The following MEA1 variants were observed in gnomAD, a reference collection of about 807,000 sequenced individuals.
MEA1 encodes male-enhanced antigen 1, also known as Male-enhanced antigen (H-Y structural gene).
MEA1 carries 22 observed loss-of-function variants against 21.4 expected under a neutral mutation model. The ratio of observed to expected loss-of-function variants is 1.03; its 90% CI spans 0.73 to 1.47. The LOEUF is 1.47. Ranked by LOEUF, MEA1 falls within the 40% of genes most tolerant of loss-of-function variation. The probability of loss-of-function intolerance (pLI) is 0.00; values close to 1 mark genes in which losing one functional copy is unlikely to be tolerated. For synonymous variants in MEA1, 91 were observed against 85.5 expected (o/e 1.06, Z -0.35); for missense variants, 233 against 230.5 (o/e 1.01, Z -0.07).
rs1762407442 is a variant in MEA1 at position 43,012,608 on chromosome 6, C to T, written c.420G>A (p.Leu140=). 6.2e-7 allele frequency: 1 copy of T among 1,607,174 alleles called. No individual in the cohort carries two copies. ...TTACTCCAGCCATTGTCCTTTTCAC[C>T]AGCTCTACATGTTCTGAAATCAGAG... ...SIPMDPEHVE[L]VKRTMAGVSL... is the part of the protein sequence containing the mutation. The change falls in exon 4 of 4, where the codon CTG becomes CTA. Residue 140 remains leucine, a synonymous_variant. Transcript: ENST00000244711.
upstream of MEA1, among the ~76,000 whole-genome samples, chr6:43,015,753 G>A (rs1762554541): frequency 6.6e-6 from 1 of 151,400 alleles, no homozygotes; most frequent in Non-Finnish European, 1.5e-5. Flanking sequence ...GGGAGGCTGA[G>A]GCAGGAGAAT....
intron 3 of MEA1, 124 bp downstream of exon 3, chr6:43,012,802 C>T (rs1376050574): frequency 1.6e-6 from 2 of 1,262,178 alleles, no homozygotes; most frequent in Admixed American, 1.9e-5. Flanking sequence ...ACTCTGAAGT[C>T]TACAAAATCT....
Position 43,011,682 on chromosome 6 carries a change from G to A in MEA1, c.*788C>T, listed in dbSNP as rs544216650. 105 of 217,818 alleles carry A rather than the reference G, an allele frequency of 4.8e-4. No individual in the cohort carries two copies. The highest frequency in any genetic ancestry group is 8.1e-4 in the Non-Finnish European group (87 of 108,020). 13.5% of individuals were successfully genotyped at this position (217,818 alleles called of 1,614,324 possible). A position where few individuals can be genotyped will look rare whatever the true frequency, so the allele number is the denominator to read the frequency against. On this transcript the variant is annotated 3_prime_UTR_variant, in exon 4 of 4. Transcript: ENST00000244711. ...TCCCCTCCTCTCTCTCCCCTGCAGAGGCATGTAGGGAACAGCAGGAGATTA... is the reference window on the plus strand; with the variant it reads ...TCCCCTCCTCTCTCTCCCCTGCAGAAGCATGTAGGGAACAGCAGGAGATTA...
intron 3 of MEA1, 91 bp from the exon 4 acceptor site, chr6:43,012,712 G>T: frequency 6.9e-7 from 1 of 1,441,968 alleles, no homozygotes; most frequent in African/African-American, 1.4e-5. Context: ...CCCTTGGGCT[G>T]CTAGGGTCAC....
In MEA1 at chr6:43,013,334, AC is replaced by A. The variant is rs766944758; in HGVS notation, c.83del (p.Arg28LeufsTer46). On this transcript the variant is annotated frameshift_variant, in exon 2 of 4. Transcript: ENST00000244711. LOFTEE classifies it high-confidence loss of function. ...VLGGDTMGPE[R>X]IFPNQTEELG... ...GTTCCTCAGTCTGATTGGGGAAGATACGCTCAGGGCCCATGGTGTCTCCTCC... is the reference window on the plus strand; with the variant it reads ...GTTCCTCAGTCTGATTGGGGAAGATAGCTCAGGGCCCATGGTGTCTCCTCC... 1 of 1,614,092 alleles carries A rather than the reference AC, an allele frequency of 6.2e-7. No homozygotes were observed. Among genetic ancestry groups the A allele is most frequent in the Non-Finnish European group, 8.5e-7 (1 of 1,180,016 alleles).
At position 43,013,344 on chromosome 6, in the gene MEA1, C is replaced by T. The variant is rs147653653; in HGVS notation, c.74G>A (p.Gly25Asp). Residue 25 changes from glycine (G) to aspartate (D), a missense_variant, in exon 2 of 4, where the codon GGC becomes GAC. Transcript: ENST00000244711. ...ATVVLGGDTMGPERIFPNQTE... is the reference protein window; with the variant it reads ...ATVVLGGDTMDPERIFPNQTE... Reference sequence around the variant, plus strand: ...CTGATTGGGGAAGATACGCTCAGGGCCCATGGTGTCTCCTCCTAGAACTAC... The same window carrying T: ...CTGATTGGGGAAGATACGCTCAGGGTCCATGGTGTCTCCTCCTAGAACTAC... The T allele has an allele frequency of 1.2e-6, 2 of 1,614,082 alleles. No homozygotes were observed. Among genetic ancestry groups the T allele is most frequent in the Non-Finnish European group, 1.7e-6 (2 of 1,180,026 alleles).
In MEA1 at chr6:43,013,326, G is replaced by C. The variant is rs756150560; in HGVS notation, c.92C>G (p.Pro31Arg). The C allele has an allele frequency of 3.1e-6, 5 of 1,614,092 alleles. No individual in the cohort carries two copies. The South Asian group carries it at 5.5e-5, about 18-fold the overall frequency. Residue 31 changes from proline (P) to arginine (R), a missense_variant, in exon 2 of 4, where the codon CCC becomes CGC. Pro to Arg is a moderately radical substitution (Grantham distance 103, BLOSUM62 -2). Coordinates refer to ENST00000244711, the MANE Select transcript of MEA1 (RefSeq NM_014623.4). ...GDTMGPERIF[P>R]NQTEELGHQG... is the part of the protein sequence containing the mutation. The stretch of plus-strand genomic sequence containing the variant: ...ATGTCCCAGTTCCTCAGTCTGATTG[G>C]GGAAGATACGCTCAGGGCCCATGGT...
Position 43,012,316 on chromosome 6 carries a change from G to A in MEA1, c.*154C>T. 1 of 1,461,640 alleles carries A rather than the reference G, an allele frequency of 6.8e-7. No individual in the cohort carries two copies. The highest frequency in any genetic ancestry group is 9.0e-7 in the Non-Finnish European group (1 of 1,108,314). The allele number at this position is 1,461,640 out of a possible 1,614,324, so 90.5% of individuals were successfully genotyped here. ...TTGGACCGATGTCCCCATATGTACA[G>A]AACTGAATAAAGTGGGTCTCTGAGA... On this transcript the variant is annotated 3_prime_UTR_variant, in exon 4 of 4. Coordinates refer to ENST00000244711, the MANE Select transcript of MEA1 (RefSeq NM_014623.4).
In MEA1 at chr6:43,013,350, G is replaced by C. The variant is rs752518644; in HGVS notation, c.68C>G (p.Thr23Ser). The change falls in exon 2 of 4, where the codon ACC becomes AGC. Residue 23 changes from threonine (T) to serine (S), a missense_variant. Physicochemically the swap from Thr to Ser is moderately conservative, Grantham distance 58. Coordinates refer to ENST00000244711, the MANE Select transcript of MEA1 (RefSeq NM_014623.4). ...GGGGAAGATACGCTCAGGGCCCATGGTGTCTCCTCCTAGAACTACTGTTGC... is the reference window on the plus strand; with the variant it reads ...GGGGAAGATACGCTCAGGGCCCATGCTGTCTCCTCCTAGAACTACTGTTGC... ...RMATVVLGGD[T>S]MGPERIFPNQ... 1 of 1,613,914 alleles carries C rather than the reference G, an allele frequency of 6.2e-7. No individual in the cohort carries two copies. Among genetic ancestry groups the C allele is most frequent in the East Asian group, 2.2e-5 (1 of 44,892 alleles).
At chr6:43,014,966 C>T (rs999767833), upstream of MEA1, among the ~76,000 whole-genome samples, 2 of 152,146 alleles carry the variant, frequency 1.3e-5, no homozygotes, top group South Asian at 2.1e-4. Flanking sequence ...AGCCCCTGAG[C>T]GCCTGGGGGC....
intron 1 of MEA1, 177 bp downstream of exon 1, chr6:43,013,609 T>C (rs1228611476): frequency 2.4e-6 from 2 of 821,410 alleles, no homozygotes; most frequent in Non-Finnish European, 3.9e-6. Flanking sequence ...CTCCGCCACT[T>C]CCTAGTTAAA....
upstream of MEA1, chr6:43,014,437 A>G (rs1581872880): frequency 2.4e-5 from 8 of 334,504 alleles, no homozygotes; most frequent in African/African-American, 4.9e-5. Context: ...GGGGCCTGAG[A>G]GTGATGAGGT....
At chr6:43,012,877 C>T (rs1762419979) in intron 3 of MEA1, 49 bp downstream of exon 3, 1 of 1,531,698 alleles carries the variant, frequency 6.5e-7, no homozygotes, top group Non-Finnish European at 9.1e-7. Flanking sequence ...TGACTCATGC[C>T]AGTTCATTTC....
upstream of MEA1, among the ~76,000 whole-genome samples, chr6:43,015,158 T>A (rs1230189681): frequency 6.6e-6 from 1 of 152,138 alleles, no homozygotes; most frequent in African/African-American, 2.4e-5. Flanking sequence ...CCCATCGACC[T>A]CCTAACAGTC....
rs1762372127 is a variant in MEA1, at chr6:43,011,971, T to G, written c.*499A>C. ...AACACCCTACCCCGTGCCCTGTCTT[T>G]GGTGAGCAGCAGCCCTGGGGTCACA... On this transcript the variant is annotated 3_prime_UTR_variant, in exon 4 of 4. Coordinates refer to ENST00000244711, the MANE Select transcript of MEA1 (RefSeq NM_014623.4). 6.3e-6 allele frequency: 1 copy of G among 157,542 alleles called. No homozygotes were observed. The highest frequency in any genetic ancestry group is 1.4e-5 in the Non-Finnish European group (1 of 72,242). The allele number at this position is 157,542 out of a possible 1,614,324, so 9.8% of individuals were successfully genotyped here. A position where few individuals can be genotyped will look rare whatever the true frequency, so the allele number is the denominator to read the frequency against.
intron 2 of MEA1, 39 bp from the exon 3 acceptor site, chr6:43,013,067 A>C: frequency 6.2e-7 from 1 of 1,614,100 alleles, no homozygotes; most frequent in Non-Finnish European, 8.5e-7. Flanking sequence ...CTAGGCTTTC[A>C]GGGAGCCCAG....
intron 1 of MEA1, 77 bp from the exon 2 acceptor site, chr6:43,013,466 A>C: frequency 3.3e-6 from 5 of 1,500,202 alleles, no homozygotes; most frequent in Non-Finnish European, 4.5e-6. Flanking sequence ...ATCTCCTTGT[A>C]GTCTCCTGCG....
chr6:43,013,850 C>CA lies in MEA1; in HGVS notation c.-38dup. 2.6e-6 allele frequency: 4 copies of CA among 1,545,996 alleles called. No homozygotes were observed. Among genetic ancestry groups the CA allele is most frequent in the Non-Finnish European group, 3.5e-6 (4 of 1,148,692 alleles). ...AAATGGCCCCAGCTGCAGCGTCCCCCACCCGCCCCCATCCGAATCCCGGCG... is the reference window on the plus strand; with the variant it reads ...AAATGGCCCCAGCTGCAGCGTCCCCCAACCCGCCCCCATCCGAATCCCGGCG... On this transcript the variant is annotated 5_prime_UTR_variant, in exon 1 of 4. Transcript: ENST00000244711.
At position 43,011,214 on chromosome 6, in the gene MEA1, G is replaced by A; in HGVS notation, c.*1256C>T. The A allele has an allele frequency of 6.2e-7, 1 of 1,614,144 alleles. No homozygotes were observed. Among genetic ancestry groups the A allele is most frequent in the Non-Finnish European group, 8.5e-7 (1 of 1,180,020 alleles). On this transcript the variant is annotated 3_prime_UTR_variant, in exon 4 of 4. Coordinates refer to ENST00000244711, the MANE Select transcript of MEA1 (RefSeq NM_014623.4). ...GGAAGTCGGAGCTGCCCCAGGACGT[G>A]TACACCATCAAGGCACTGGAGGCGC...
Sources: gnomAD v4.1 joint callset for allele counts (sites outside exome capture counted in the v4.1 genomes callset) on GRCh38, gnomAD v4.1.1 for gene constraint, MANE v1.5 for transcripts, NCBI Gene and HGNC (gene_info 2026-07-23, HGNC 2026-07-21) for gene names.